PTPRU: variants seen among roughly 807,000 people sequenced by gnomAD.
PTPRU encodes protein tyrosine phosphatase receptor type U, also known as receptor-type tyrosine-protein phosphatase U.
In PTPRU, 69 loss-of-function variants were observed where a neutral mutation model predicts 166.3. That is an observed-to-expected ratio of 0.41 (90% CI 0.34 to 0.51). The LOEUF (loss-of-function observed/expected upper bound fraction) is 0.51. Ranked by LOEUF, PTPRU falls within the 20% of genes least tolerant of loss-of-function variation. The pLI, the probability that PTPRU is intolerant of heterozygous loss-of-function variation, is 0.09. For missense variants in PTPRU, 1,657 were observed against 2,013.7 expected, an observed-to-expected ratio of 0.82 and a Z score of 3.39; for synonymous variants, 793 against 814.0, an observed-to-expected ratio of 0.97 and a Z score of 0.44.
chr1:29,314,750 G>C (rs982129631), intron 22 of PTPRU, among the ~76,000 whole-genome samples: 5 of 152,078 alleles, frequency 3.3e-5, no homozygotes, highest in African/African-American at 1.2e-4. Context: ...GCTATTTTTT[G>C]TATTTTTTGG....
rs775138343 is a variant in PTPRU at position 29,275,541 on chromosome 1, G to T, written c.1238G>T (p.Arg413Leu). ...GAACCACTGGGCTACAACGTGACGC[G>T]TTGCCACACCTATACTGTGTCGCTG... is the stretch of plus-strand genomic sequence containing the variant. The part of the protein sequence containing the change: ...QWEPLGYNVT[R>L]CHTYTVSLCY... Residue 413 changes from arginine (R) to leucine (L), a missense_variant, in exon 8 of 30, where the codon CGT (arginine) becomes CTT (leucine). Physicochemically the swap from Arg to Leu is moderately radical, Grantham distance 102. Coordinates refer to ENST00000373779, the MANE Select transcript of PTPRU (RefSeq NM_133178.4). The T allele has an allele frequency of 6.2e-7, 1 of 1,614,154 alleles. No individual in the cohort carries two copies.
At chr1:29,273,367 T>A (rs1048575381) in intron 7 of PTPRU, among the ~76,000 whole-genome samples, 5 of 152,114 alleles carry the variant, frequency 3.3e-5, no homozygotes, top group Non-Finnish European at 7.4e-5. Flanking sequence ...CTCCCAGGTT[T>A]AAGCAATACT....
rs1683830305 is a variant in PTPRU at position 29,237,625 on chromosome 1, G to A, written c.73+908G>A. ...CAAGTTGTCGCGGCGGCGCCCCCTG[G>A]GCTGCCCGGGTCGGGCAGGGCCCGA... is the stretch of plus-strand genomic sequence containing the variant. On this transcript the variant is annotated intron_variant, in intron 1 of 29. Coordinates refer to ENST00000373779, the MANE Select transcript of PTPRU (RefSeq NM_133178.4). The surrounding 1 kb of genome is among the most constrained non-coding windows in gnomAD (Gnocchi z 6.4). Among the ~76,000 whole-genome samples the A allele has an allele frequency of 6.6e-6, 1 of 151,502 alleles. No individual in the cohort carries two copies. Among genetic ancestry groups the A allele is most frequent in the Non-Finnish European group, 1.5e-5 (1 of 67,770 alleles).
rs1687717968 is a variant in PTPRU at position 29,312,610 on chromosome 1, A to G, written c.3131A>G (p.His1044Arg). 1.2e-6 allele frequency: 2 copies of G among 1,610,872 alleles called. No homozygotes were observed. The highest frequency in any genetic ancestry group is 1.3e-5 in the African/African-American group (1 of 74,878). ...RQFHFTAWPE[H>R]GVPYHATGLL... ...TTCCACTTCACAGCGTGGCCAGAGCATGGCGTCCCCTACCATGCCACGGGG... is the reference window on the plus strand; with the variant it reads ...TTCCACTTCACAGCGTGGCCAGAGCGTGGCGTCCCCTACCATGCCACGGGG... Residue 1044 changes from histidine (H) to arginine (R), a missense_variant, in exon 22 of 30, where the codon CAT becomes CGT. This residue lies in a region of PTPRU where 1,190 missense variants were observed against 1,477.4 expected (regional missense o/e 0.81). Transcript: ENST00000373779.
chr1:29,301,847 C>T (rs1350382662), intron 15 of PTPRU, among the ~76,000 whole-genome samples: 3 of 152,158 alleles, frequency 2.0e-5, no homozygotes, highest in Non-Finnish European at 2.9e-5. Flanking sequence ...GGTTTTCTGT[C>T]CTTGCAACAG....
Position 29,237,530 on chromosome 1 carries a change from C to G in PTPRU, c.73+813C>G, listed in dbSNP as rs1478886542. On this transcript the variant is annotated intron_variant, in intron 1 of 29. Transcript: ENST00000373779. The surrounding 1 kb of genome is among the most constrained non-coding windows in gnomAD (Gnocchi z 6.4). Reference sequence around the variant, plus strand: ...GAGTGTGCCCTGGTCCCGGGGCCGCCCGAGGGGGCGGTGGCAGGACGTGTG... The same window carrying G: ...GAGTGTGCCCTGGTCCCGGGGCCGCGCGAGGGGGCGGTGGCAGGACGTGTG... 6.6e-6 allele frequency among the ~76,000 whole-genome samples: 1 copy of G among 150,570 alleles called. No individual in the cohort carries two copies. The highest frequency in any genetic ancestry group is 2.4e-5 in the African/African-American group (1 of 40,926).
chr1:29,293,048 T>C (rs2151958440), intron 15 of PTPRU, among the ~76,000 whole-genome samples: 1 of 151,844 alleles, frequency 6.6e-6, no homozygotes, highest in East Asian at 2.0e-4. Context: ...GGTGTGATCT[T>C]GGCTCACTGT....
intron 24 of PTPRU, among the ~76,000 whole-genome samples, chr1:29,316,685 G>A (rs1012912503): frequency 3.9e-5 from 6 of 152,104 alleles, no homozygotes; most frequent in African/African-American, 7.2e-5. Flanking sequence ...GCACCTGGCC[G>A]CCAGCAGTGC....
At position 29,271,688 on chromosome 1, in the gene PTPRU, A is replaced by G. The variant is rs541234822; in HGVS notation, c.1145-3760A>G. Among the ~76,000 whole-genome samples, 19 of 152,362 alleles carry G rather than the reference A, an allele frequency of 1.2e-4. No homozygotes were observed. Among genetic ancestry groups the G allele is most frequent in the African/African-American group, 4.3e-4 (18 of 41,582 alleles). Reference sequence around the variant, plus strand: ...CTCTGAACCTGTAGTCCTGCCTGGCAACAGTCATCTAGAGGTGAGCAGTAG... The same window carrying G: ...CTCTGAACCTGTAGTCCTGCCTGGCGACAGTCATCTAGAGGTGAGCAGTAG... On this transcript the variant is annotated intron_variant, in intron 7 of 29. Coordinates refer to ENST00000373779, the MANE Select transcript of PTPRU (RefSeq NM_133178.4). The surrounding 1 kb of genome is among the most constrained non-coding windows in gnomAD (Gnocchi z 4.4).
intron 29 of PTPRU, 31 bp from the exon 30 acceptor site, chr1:29,325,568 C>G: frequency 6.3e-7 from 1 of 1,591,198 alleles, no homozygotes; most frequent in Non-Finnish European, 8.6e-7. Context: ...GGGTCAGGCT[C>G]ATGATTCCCT....
At chr1:29,275,290 C>CT (rs1265095823) in intron 7 of PTPRU, among the ~76,000 whole-genome samples, 158 bp from the exon 8 acceptor site, 2 of 152,178 alleles carry the variant, frequency 1.3e-5, no homozygotes, top group Non-Finnish European at 2.9e-5. Flanking sequence ...AAAGCACATA[C>CT]TTTTACTCCC....
Position 29,325,249 on chromosome 1 carries a change from C to A in PTPRU, c.4171C>A (p.Arg1391Ser). The A allele has an allele frequency of 6.2e-7, 1 of 1,614,200 alleles. No homozygotes were observed. Among genetic ancestry groups the A allele is most frequent in the Non-Finnish European group, 8.5e-7 (1 of 1,180,026 alleles). The part of the protein sequence containing the change: ...CACATVLEMI[R>S]CHNLVDVFFA... ...CTGCGCCACGGTCCTGGAGATGATC[C>A]GCTGCCACAACTTGGTGGACGTTTT... Residue 1391 changes from arginine to serine, a missense_variant, in exon 29 of 30, where the codon CGC (arginine) becomes AGC (serine). Around this residue, in one of 3 missense-constraint regions of PTPRU, gnomAD observed 1,190 missense variants for 1,477.4 expected, o/e 0.81. Coordinates refer to ENST00000373779, the MANE Select transcript of PTPRU (RefSeq NM_133178.4).
Position 29,320,463 on chromosome 1 carries a change from G to C in PTPRU, c.3688-222G>C. On this transcript the variant is annotated intron_variant, in intron 25 of 29. Transcript: ENST00000373779. The surrounding 1 kb of genome is among the most constrained non-coding windows in gnomAD (Gnocchi z 5.2). ...TTGGAAACTTTTGCTGTTTAGTTCT[G>C]GGGGGTCATGGGCTTGGTCCCCAGA... 2.4e-6 allele frequency: 1 copy of C among 420,504 alleles called. No individual in the cohort carries two copies. The highest frequency in any genetic ancestry group is 4.1e-6 in the Non-Finnish European group (1 of 242,634). The allele number at this position is 420,504 out of a possible 1,614,324, so 26.0% of individuals were successfully genotyped here. A position where few individuals can be genotyped will look rare whatever the true frequency, so the allele number is the denominator to read the frequency against.
intron 18 of PTPRU, among the ~76,000 whole-genome samples, chr1:29,306,444 T>C (rs1016718688): frequency 3.3e-5 from 5 of 152,186 alleles, no homozygotes; most frequent in African/African-American, 4.8e-5. Flanking sequence ...CTTGAACATA[T>C]CTATTTGAGT....
chr1:29,304,859 G>A lies in PTPRU; in HGVS notation c.2743+10G>A. The A allele has an allele frequency of 6.2e-7, 1 of 1,607,520 alleles. No individual in the cohort carries two copies. The highest frequency in any genetic ancestry group is 1.1e-5 in the South Asian group (1 of 90,674). ...GAGCCAATGCCTGCCTGTGAGTCCT[G>A]GGGAAGGGCCTGGGGTCCAGGGCAG... On this transcript the variant is annotated intron_variant, in intron 17 of 29. Transcript: ENST00000373779.
rs769737368 is a variant in PTPRU, at chr1:29,260,845, C to G, written c.1086C>G (p.Pro362=). The G allele has an allele frequency of 1.2e-6, 2 of 1,607,604 alleles. No homozygotes were observed. Among genetic ancestry groups the G allele is most frequent in the Non-Finnish European group, 1.7e-6 (2 of 1,178,042 alleles). The change falls in exon 7 of 30, where the codon CCC becomes CCG. Residue 362 remains proline, a synonymous_variant. Transcript: ENST00000373779. The surrounding 1 kb of genome is among the most constrained non-coding windows in gnomAD (Gnocchi z 8.3). ...AGATCAGCGTGCTGCTCACGCGTCC[C>G]GGAGACGGCGGCACTGGCCGCCCTG... is the stretch of plus-strand genomic sequence containing the variant. ...EYEISVLLTR[P]GDGGTGRPGP... is the part of the protein sequence containing the mutation.
In PTPRU at chr1:29,315,523, C is replaced by T. The variant is rs764660095; in HGVS notation, c.3363+16C>T. 1 of 1,614,040 alleles carries T rather than the reference C, an allele frequency of 6.2e-7. No individual in the cohort carries two copies. The highest frequency in any genetic ancestry group is 8.5e-7 in the Non-Finnish European group (1 of 1,179,990). ...CCAGACTGAGGTGCGGGGACCTGGC[C>T]CTGTCCCCACCATTATTACTTCTAG... is the stretch of plus-strand genomic sequence containing the variant. On this transcript the variant is annotated intron_variant, in intron 23 of 29. Coordinates refer to ENST00000373779, the MANE Select transcript of PTPRU (RefSeq NM_133178.4). The surrounding 1 kb of genome is among the most constrained non-coding windows in gnomAD (Gnocchi z 4.5).
intron 15 of PTPRU, among the ~76,000 whole-genome samples, chr1:29,295,340 C>T (rs543387055): frequency 1.1e-4 from 17 of 152,204 alleles, no homozygotes; most frequent in East Asian, 3.9e-4. Context: ...CCATCACGCT[C>T]GGCTAATTCT....
chr1:29,284,501 G>A (rs894350430), intron 13 of PTPRU, among the ~76,000 whole-genome samples: 1 of 152,172 alleles, frequency 6.6e-6, no homozygotes, highest in Non-Finnish European at 1.5e-5. Flanking sequence ...AGTGGGAAGC[G>A]AGGGAAGCTA....
Sources: allele counts gnomAD v4.1 joint callset (sites outside exome capture counted in the v4.1 genomes callset), GRCh38; gene constraint gnomAD v4.1.1; regional missense constraint gnomAD v4.1.1; non-coding constraint Gnocchi (gnomAD v3.1); transcripts MANE v1.5; gene names NCBI Gene and HGNC (gene_info 2026-07-23, HGNC 2026-07-21).